TMEM132E: variants seen among roughly 807,000 people sequenced by gnomAD.
TMEM132E encodes transmembrane protein 132E.
Under a neutral mutation model 78.5 loss-of-function variants are expected in TMEM132E, and 49 were observed. That is an observed-to-expected ratio of 0.62 (90% CI 0.50 to 0.79). The LOEUF is 0.79. Among genes scored for constraint, TMEM132E ranks in the 30% least tolerant of loss-of-function variants. The pLI is 0.00. For missense variants in TMEM132E, 1,403 were observed against 1,470.9 expected, an observed-to-expected ratio of 0.95 and a Z score of 0.75; for synonymous variants, 715 against 670.6, an observed-to-expected ratio of 1.07 and a Z score of -1.02.
chr17:34,607,283 G>T (rs1280042441), intron 1 of TMEM132E, among the ~76,000 whole-genome samples: 1 of 152,148 alleles, frequency 6.6e-6, no homozygotes. Context: ...CTCCTCAAGG[G>T]GCCCACAGAC....
chr17:34,580,838 G>A lies in TMEM132E; in HGVS notation c.-239G>A. The A allele has an allele frequency of 4.4e-6, 2 of 455,084 alleles. 1 individual carries two copies. The highest frequency in any genetic ancestry group is 7.5e-5 in the South Asian group (2 of 26,506). 28.2% of individuals were successfully genotyped at this position (455,084 alleles called of 1,614,324 possible). A position where few individuals can be genotyped will look rare whatever the true frequency, so the allele number is the denominator to read the frequency against. On this transcript the variant is annotated 5_prime_UTR_variant, in exon 1 of 9. Transcript: ENST00000631683. ...ATCCTGCAGGGGGCACCAGCTGGGG[G>A]AGGTGGAGGCTCCTCCCGCCCGGAG...
At chr17:34,597,658 G>A (rs925582801) in intron 1 of TMEM132E, among the ~76,000 whole-genome samples, 3 of 152,158 alleles carry the variant, frequency 2.0e-5, no homozygotes, top group Admixed American at 1.3e-4. Flanking sequence ...TCAGCTCCTG[G>A]CCACCATCAT....
chr17:34,607,565 G>A (rs928018263), intron 1 of TMEM132E, among the ~76,000 whole-genome samples: 1 of 152,120 alleles, frequency 6.6e-6, no homozygotes, highest in African/African-American at 2.4e-5. Context: ...TTAACTGCCT[G>A]GAGTTAACAC....
At chr17:34,589,208 C>A (rs982124875) in intron 1 of TMEM132E, among the ~76,000 whole-genome samples, 8 of 152,156 alleles carry the variant, frequency 5.3e-5, no homozygotes, top group African/African-American at 1.9e-4. Context: ...TATCTGAGAG[C>A]CTTCGGGGTG....
Position 34,637,924 on chromosome 17 carries a change from G to T in TMEM132E, c.2917G>T (p.Gly973Cys), listed in dbSNP as rs769557776. The part of the protein sequence containing the change: ...AFCHGDHHSS[G>C]SSQTSVQSQV... ...CTGCCACGGCGACCACCACAGCAGCGGCAGCTCGCAGACCAGCGTCCAGAG... is the reference window on the plus strand; with the variant it reads ...CTGCCACGGCGACCACCACAGCAGCTGCAGCTCGCAGACCAGCGTCCAGAG... The change falls in exon 9 of 9, where the codon GGC becomes TGC. Residue 973 changes from glycine (G) to cysteine (C), a missense_variant. Around this residue, in one of 3 missense-constraint regions of TMEM132E, gnomAD observed 888 missense variants for 952.8 expected, o/e 0.93. Transcript: ENST00000631683. 1.2e-6 allele frequency: 2 copies of T among 1,606,186 alleles called. No individual in the cohort carries two copies. The highest frequency in any genetic ancestry group is 1.7e-5 in the Admixed American group (1 of 59,838).
chr17:34,606,471 C>T (rs1283184317), intron 1 of TMEM132E, among the ~76,000 whole-genome samples: 2 of 152,062 alleles, frequency 1.3e-5, no homozygotes, highest in Admixed American at 1.3e-4. Context: ...AAACTGAGGC[C>T]CAGGGAGGGG....
chr17:34,627,468 G>GTGTGTGTGTGTGTGTGTGTA (rs1907194858), intron 2 of TMEM132E, among the ~76,000 whole-genome samples: 1 of 12,672 alleles, frequency 7.9e-5, no homozygotes, highest in East Asian at 5.7e-3. Context: ...CAAAAGAATC[G>GTGTGTGTGTGTGTGTGTGTA]TGTGTGTGTG....
At chr17:34,582,627 G>A in intron 1 of TMEM132E, among the ~76,000 whole-genome samples, 1 of 152,092 alleles carries the variant, frequency 6.6e-6, no homozygotes, top group East Asian at 1.9e-4. Context: ...GGGGCGAAGT[G>A]GGAGCATAGC....
Position 34,581,163 on chromosome 17 carries a change from C to G in TMEM132E, c.67+20C>G. ...CCCACGGTAAGTGTCGCGGCGCGGA[C>G]TGGGGGTGAGGATGCGGCAGGCGCC... On this transcript the variant is annotated intron_variant, in intron 1 of 8. Coordinates refer to ENST00000631683, the MANE Select transcript of TMEM132E (RefSeq NM_001304438.2). The G allele has an allele frequency of 6.7e-7, 1 of 1,500,410 alleles. No homozygotes were observed. The highest frequency in any genetic ancestry group is 8.9e-7 in the Non-Finnish European group (1 of 1,128,998). The allele number at this position is 1,500,410 out of a possible 1,614,324, so 92.9% of individuals were successfully genotyped here.
chr17:34,622,345 C>A (rs375095100), intron 1 of TMEM132E, among the ~76,000 whole-genome samples: 1 of 152,164 alleles, frequency 6.6e-6, no homozygotes, highest in Non-Finnish European at 1.5e-5. Flanking sequence ...AGGGACCCAC[C>A]CTGCTCCAAT....
rs561353645 is a variant in TMEM132E, at chr17:34,635,094, A to G, written c.1977+7A>G. The G allele has an allele frequency of 1.2e-5, 19 of 1,605,308 alleles. 1 individual carries two copies. In the South Asian group the frequency reaches 2.0e-4, roughly 17 times the overall value. ...AGGCACCACCCCCTTTAAGGTAGGT[A>G]TGGGCTCTGTCCCAGCACAAAGGGG... On this transcript the variant is annotated splice_region_variant and intron_variant, in intron 7 of 8. Transcript: ENST00000631683.
intron 8 of TMEM132E, 72 bp from the exon 9 acceptor site, chr17:34,637,105 G>A: frequency 7.2e-7 from 1 of 1,390,704 alleles, no homozygotes; most frequent in South Asian, 1.3e-5. Flanking sequence ...CCCCTACAGA[G>A]CCCAGGATCT....
At chr17:34,603,839 C>T (rs527360582) in intron 1 of TMEM132E, among the ~76,000 whole-genome samples, 1 of 152,214 alleles carries the variant, frequency 6.6e-6, no homozygotes, top group Non-Finnish European at 1.5e-5. Context: ...GCTGACCACT[C>T]GTCCACCATC....
intron 1 of TMEM132E, among the ~76,000 whole-genome samples, chr17:34,593,159 C>T (rs1188566499): frequency 6.6e-6 from 1 of 152,036 alleles, no homozygotes; most frequent in African/African-American, 2.4e-5. Context: ...GTAATCCTAG[C>T]ACTTTGGGAA....
intron 1 of TMEM132E, among the ~76,000 whole-genome samples, chr17:34,592,132 T>C (rs1403144509): frequency 6.6e-6 from 1 of 152,230 alleles, no homozygotes; most frequent in African/African-American, 2.4e-5. Context: ...TTTTGTTTTT[T>C]AACCCTTGAT....
intron 1 of TMEM132E, among the ~76,000 whole-genome samples, chr17:34,620,541 A>G (rs1013467161): frequency 3.9e-5 from 6 of 152,262 alleles, no homozygotes; most frequent in African/African-American, 1.2e-4. Context: ...ACTATGTGCC[A>G]TCTAATGGTG....
chr17:34,587,162 G>C (rs961329155), intron 1 of TMEM132E, among the ~76,000 whole-genome samples: 1 of 152,182 alleles, frequency 6.6e-6, no homozygotes, highest in Non-Finnish European at 1.5e-5. Context: ...GTTCTCAGCA[G>C]CATCTCCATC....
intron 1 of TMEM132E, among the ~76,000 whole-genome samples, chr17:34,586,244 C>T (rs1390958342): frequency 6.6e-6 from 1 of 152,084 alleles, no homozygotes; most frequent in Non-Finnish European, 1.5e-5. Context: ...CTTGCCCATG[C>T]TCAACACAGA....
intron 1 of TMEM132E, among the ~76,000 whole-genome samples, chr17:34,586,807 C>A (rs1390912457): frequency 6.7e-6 from 1 of 149,152 alleles, no homozygotes. Context: ...TAATTCAATG[C>A]AAAAAAAAAA....
Sources: allele counts gnomAD v4.1 joint callset (sites outside exome capture counted in the v4.1 genomes callset), GRCh38; gene constraint gnomAD v4.1.1; regional missense constraint gnomAD v4.1.1; transcripts MANE v1.5; gene names NCBI Gene and HGNC (gene_info 2026-07-23, HGNC 2026-07-21).